TMTC1: variants seen among roughly 807,000 people sequenced by gnomAD.
TMTC1 encodes transmembrane O-mannosyltransferase targeting cadherins 1, also known as protein O-mannosyl-transferase TMTC1.
A neutral mutation model predicts 104.8 loss-of-function variants in TMTC1; 73 were observed. The ratio of observed to expected loss-of-function variants is 0.70; its 90% confidence interval spans 0.58 to 0.85. The LOEUF (loss-of-function observed/expected upper bound fraction) is 0.85. TMTC1 is among the 40% of genes least tolerant of loss of function. The pLI is 0.00. For missense variants in TMTC1, 1,035 were observed against 1,096.1 expected, an observed-to-expected ratio of 0.94 and a Z score of 0.79; for synonymous variants, 434 against 428.7, an observed-to-expected ratio of 1.01 and a Z score of -0.15.
intron 6 of TMTC1, among the ~76,000 whole-genome samples, chr12:29,625,188 G>A (rs1246918542): frequency 1.3e-5 from 2 of 152,138 alleles, no homozygotes; most frequent in South Asian, 2.1e-4. Flanking sequence ...TTTTAACACA[G>A]AACAATGTCC....
intron 5 of TMTC1, among the ~76,000 whole-genome samples, chr12:29,645,733 T>C (rs1216727080): frequency 1.3e-5 from 2 of 152,218 alleles, no homozygotes; most frequent in African/African-American, 4.8e-5. Flanking sequence ...TCAACATTCA[T>C]TGAGGAGGCA....
intron 2 of TMTC1, among the ~76,000 whole-genome samples, chr12:29,760,151 T>C (rs557146614): frequency 1.3e-5 from 2 of 152,234 alleles, no homozygotes; most frequent in Non-Finnish European, 2.9e-5. Flanking sequence ...TACTCTATGA[T>C]GTTTGCACAA....
intron 5 of TMTC1, among the ~76,000 whole-genome samples, chr12:29,703,482 G>A (rs1005857167): frequency 1.3e-5 from 2 of 152,136 alleles, no homozygotes; most frequent in Non-Finnish European, 2.9e-5. Context: ...TACCACCTGC[G>A]AAATACTACT....
chr12:29,573,413 AT>A (rs1945735794), intron 8 of TMTC1, among the ~76,000 whole-genome samples: 1 of 152,222 alleles, frequency 6.6e-6, no homozygotes, highest in Non-Finnish European at 1.5e-5. Context: ...GTTGTTTATC[AT>A]CTACATAGTG....
At chr12:29,693,240 T>C (rs1941317201) in intron 5 of TMTC1, among the ~76,000 whole-genome samples, 1 of 144,768 alleles carries the variant, frequency 6.9e-6, no homozygotes, top group Admixed American at 7.1e-5. Flanking sequence ...TTTTTTAAAA[T>C]TGACACATAA....
rs777170459 is a variant in TMTC1 at position 29,604,288 on chromosome 12, G to A, written c.1140C>T (p.His380=). Residue 380 remains histidine, a synonymous_variant, in exon 7 of 18, where the codon CAC becomes CAT. Transcript: ENST00000539277. The part of the protein sequence containing the change: ...HCLAAFKRLE[H]KEVLVGLLFL... The stretch of plus-strand genomic sequence containing the variant: ...ACAACAAGCCGACTAAAACCTCCTT[G>A]TGCTCCAGTCTCTGAAACACACAAT... 1.9e-6 allele frequency: 3 copies of A among 1,613,868 alleles called. No homozygotes were observed. The highest frequency in any genetic ancestry group is 2.5e-6 in the Non-Finnish European group (3 of 1,179,882).
At position 29,712,419 on chromosome 12, in the gene TMTC1, C is replaced by T. The variant is rs191024500; in HGVS notation, c.938+39247G>A. 3.4e-4 allele frequency among the ~76,000 whole-genome samples: 51 copies of T among 152,218 alleles called. No homozygotes were observed. The East Asian group carries it at 6.6e-3, about 20-fold the overall frequency. On this transcript the variant is annotated intron_variant, in intron 5 of 17. Transcript: ENST00000539277. ...AACAACAGTGTTAAAGGTCCCTTTACGCTAAAATATTACTGAGAAAAGAAT... is the reference window on the plus strand; with the variant it reads ...AACAACAGTGTTAAAGGTCCCTTTATGCTAAAATATTACTGAGAAAAGAAT...
intron 5 of TMTC1, among the ~76,000 whole-genome samples, chr12:29,673,744 C>CT (rs146463669): frequency 0.015 from 1,435 of 95,546 alleles, 3 homozygotes; most frequent in African/African-American, 0.02. Flanking sequence ...AGAGGGACTT[C>CT]TTTTTTTTTT....
intron 6 of TMTC1, among the ~76,000 whole-genome samples, chr12:29,627,719 G>A (rs1938077136): frequency 6.8e-6 from 1 of 146,300 alleles, no homozygotes. Context: ...TCGAAAGTAG[G>A]AAAACATTGA....
At chr12:29,557,467 A>G (rs1945274522) in intron 9 of TMTC1, among the ~76,000 whole-genome samples, 3 of 152,118 alleles carry the variant, frequency 2.0e-5, no homozygotes, top group Admixed American at 6.5e-5. Context: ...ACAAAAACAA[A>G]AAAACGGAGT....
At chr12:29,523,870 T>A (rs1944259270) in intron 11 of TMTC1, among the ~76,000 whole-genome samples, 1 of 152,176 alleles carries the variant, frequency 6.6e-6, no homozygotes, top group Non-Finnish European at 1.5e-5. Context: ...TGAGTGACTC[T>A]ATTTTGGTTT....
intron 7 of TMTC1, among the ~76,000 whole-genome samples, chr12:29,592,071 T>C (rs1004858715): frequency 3.9e-5 from 6 of 152,226 alleles, no homozygotes; most frequent in Non-Finnish European, 8.8e-5. Context: ...ATCTTTCTGC[T>C]ATAAGTAGAA....
In TMTC1 at chr12:29,726,510, CAG is replaced by C. The variant is rs1942395777; in HGVS notation, c.938+25154_938+25155del. ...CTGATTCTGTGAGCTCAAGAGGAAACAGGGCATGTAGCCAAGACAAGCATATA... is the reference window on the plus strand; with the variant it reads ...CTGATTCTGTGAGCTCAAGAGGAAACGGCATGTAGCCAAGACAAGCATATA... On this transcript the variant is annotated intron_variant, in intron 5 of 17. Transcript: ENST00000539277. Among the ~76,000 whole-genome samples the C allele has an allele frequency of 1.3e-5, 2 of 152,132 alleles. 1 individual carries two copies. The highest frequency in any genetic ancestry group is 4.8e-5 in the African/African-American group (2 of 41,430).
chr12:29,580,258 G>A (rs955424644), intron 8 of TMTC1, among the ~76,000 whole-genome samples: 1 of 152,150 alleles, frequency 6.6e-6, no homozygotes, highest in Non-Finnish European at 1.5e-5. Context: ...GGTCAAGGCT[G>A]CAGTGAGCCA....
rs1943508058 is a variant in TMTC1, at chr12:29,767,905, G to C, written c.473C>G (p.Thr158Ser). 6.2e-7 allele frequency: 1 copy of C among 1,613,504 alleles called. No individual in the cohort carries two copies. Among genetic ancestry groups the C allele is most frequent in the South Asian group, 1.1e-5 (1 of 91,044 alleles). Residue 158 changes from threonine to serine, a missense_variant, in exon 2 of 18, where the codon ACT (threonine) becomes AGT (serine). By Grantham distance (58) the Thr-to-Ser change is moderately conservative. Coordinates refer to ENST00000539277, the MANE Select transcript of TMTC1 (RefSeq NM_001193451.2). ...AGATCCAATTACACTTACCGCCTCA[G>C]TATGAATAGGATGTACAGCAAAAAG... ...ALLFAVHPIH[T>S]EAVAGIVGRA...
intron 8 of TMTC1, among the ~76,000 whole-genome samples, chr12:29,576,862 T>C (rs577006459): frequency 6.6e-6 from 1 of 152,278 alleles, no homozygotes; most frequent in South Asian, 2.1e-4. Flanking sequence ...GCAGTAATCA[T>C]TTCACTGTGG....
At chr12:29,659,958 A>T (rs1179295751) in intron 5 of TMTC1, 1 of 1,535,774 alleles carries the variant, frequency 6.5e-7, no homozygotes, top group Non-Finnish European at 8.7e-7. Flanking sequence ...CATTATCCAC[A>T]GACGGAAGTA....
intron 8 of TMTC1, among the ~76,000 whole-genome samples, chr12:29,578,571 A>T (rs552547573): frequency 6.6e-6 from 1 of 152,324 alleles, no homozygotes; most frequent in South Asian, 2.1e-4. Flanking sequence ...CAGTGATTAT[A>T]AATAAACATC....
intron 5 of TMTC1, among the ~76,000 whole-genome samples, chr12:29,654,226 GA>G (rs1231264276): frequency 1.3e-5 from 2 of 152,014 alleles, no homozygotes; most frequent in African/African-American, 4.8e-5. Flanking sequence ...AATATATTAA[GA>G]AAAATGTTAC....
Sources: gnomAD v4.1 joint callset for allele counts (sites outside exome capture counted in the v4.1 genomes callset) on GRCh38, gnomAD v4.1.1 for gene constraint, MANE v1.5 for transcripts, NCBI Gene and HGNC (gene_info 2026-07-23, HGNC 2026-07-21) for gene names.